The following CHST15 variants were observed in gnomAD, a reference collection of about 807,000 sequenced individuals.
The protein encoded by CHST15 is B cell RAG associated protein (GALNAC4S-6ST).
A neutral mutation model predicts 53.6 loss-of-function variants in CHST15; 30 were observed. The ratio of observed to expected loss-of-function variants is 0.56; its 90% CI spans 0.42 to 0.76. The LOEUF (loss-of-function observed/expected upper bound fraction) is 0.76. Ranked by LOEUF, CHST15 falls within the 30% of genes least tolerant of loss-of-function variation. The pLI is 0.00. For synonymous variants in CHST15, 296 were observed against 289.8 expected (o/e 1.02, Z -0.22); for missense variants, 627 against 740.5 (o/e 0.85, Z 1.78).
In CHST15 at chr10:124,031,693, T is replaced by C. The variant is rs1177319147; in HGVS notation, c.1190+6822A>G. Among the ~76,000 whole-genome samples, 2 of 152,154 alleles carry C rather than the reference T, an allele frequency of 1.3e-5. 1 individual carries two copies. The highest frequency in any genetic ancestry group is 4.1e-4 in the South Asian group (2 of 4,836). On this transcript the variant is annotated intron_variant, in intron 5 of 7. Transcript: ENST00000435907. ...ATTATTAGTAATAACTGATACCTAA[T>C]AATAATAATAGTTACATATTTTCCA... is the stretch of plus-strand genomic sequence containing the variant.
chr10:124,083,946 G>A (rs4929815), intron 1 of CHST15, among the ~76,000 whole-genome samples: 44,902 of 152,120 alleles, frequency 0.3, 6,946 homozygotes, highest in South Asian at 0.37. Context: ...AGTTCAACAC[G>A]CCCAGAGCTC....
chr10:124,093,251 G>GCCGCCA (rs751278088), intron 1 of CHST15, among the ~76,000 whole-genome samples: 29 of 151,776 alleles, frequency 1.9e-4, no homozygotes, highest in East Asian at 1.2e-3. Flanking sequence ...CTGGGCCGCC[G>GCCGCCA]CCGCCACCGC....
intron 1 of CHST15, among the ~76,000 whole-genome samples, chr10:124,064,653 A>G (rs1428954009): frequency 1.2e-5 from 1 of 82,876 alleles, no homozygotes; most frequent in East Asian, 3.6e-4. Flanking sequence ...GCATCCCCCC[A>G]ACCCCACCCC....
Position 124,044,939 on chromosome 10 carries a change from G to GA in CHST15, c.547-21dup. The GA allele has an allele frequency of 7.0e-7, 1 of 1,420,746 alleles. No homozygotes were observed. The highest frequency in any genetic ancestry group is 9.3e-7 in the Non-Finnish European group (1 of 1,080,366). 88.0% of individuals were successfully genotyped at this position (1,420,746 alleles called of 1,614,324 possible). A position where few individuals can be genotyped will look rare whatever the true frequency, so the allele number is the denominator to read the frequency against. On this transcript the variant is annotated intron_variant, in intron 2 of 7. Coordinates refer to ENST00000435907, the MANE Select transcript of CHST15 (RefSeq NM_001270764.2). ...AAACATCTGCAAGGAAACAGAGGAGGAGAGACACAGAGGAGGGGAAAATGA... is the reference window on the plus strand; with the variant it reads ...AAACATCTGCAAGGAAACAGAGGAGGAAGAGACACAGAGGAGGGGAAAATGA...
At chr10:124,052,138 G>A (rs559689569) in intron 1 of CHST15, among the ~76,000 whole-genome samples, 3 of 152,240 alleles carry the variant, frequency 2.0e-5, no homozygotes, top group Admixed American at 1.3e-4. Flanking sequence ...GCCTTCTTCT[G>A]ATTAGTATGT....
Position 124,009,754 on chromosome 10 carries a change from T to C in CHST15, c.*395A>G, listed in dbSNP as rs1054142647. 1.3e-5 allele frequency: 14 copies of C among 1,047,444 alleles called. No individual in the cohort carries two copies. In the East Asian group the frequency reaches 1.1e-3, roughly 83 times the overall value. The allele number at this position is 1,047,444 out of a possible 1,614,324, so 64.9% of individuals were successfully genotyped here. ...GAAGTGTAAGTTCCAGCCAGGCCTG[T>C]GGCATGACCTCTGGCTTGCTGACTC... On this transcript the variant is annotated 3_prime_UTR_variant, in exon 8 of 8. Coordinates refer to ENST00000435907, the MANE Select transcript of CHST15 (RefSeq NM_001270764.2).
At chr10:124,079,113 C>A (rs1466330651) in intron 1 of CHST15, among the ~76,000 whole-genome samples, 1 of 151,074 alleles carries the variant, frequency 6.6e-6, no homozygotes, top group Non-Finnish European at 1.5e-5. Context: ...GATTCTAAAC[C>A]AAACTACTCA....
At chr10:124,031,927 C>T (rs533713662) in intron 5 of CHST15, among the ~76,000 whole-genome samples, 158 of 152,216 alleles carry the variant, frequency 1.0e-3, no homozygotes, top group Middle Eastern at 6.8e-3. Context: ...GGTACACCTC[C>T]CAGACACTCA....
At chr10:124,079,448 C>T (rs749408800) in intron 1 of CHST15, among the ~76,000 whole-genome samples, 2 of 152,210 alleles carry the variant, frequency 1.3e-5, no homozygotes, top group South Asian at 2.1e-4. Flanking sequence ...TTAACAAGGA[C>T]GGACTCCATG....
At chr10:124,026,222 G>A (rs1295886904) in intron 5 of CHST15, among the ~76,000 whole-genome samples, 1 of 152,206 alleles carries the variant, frequency 6.6e-6, no homozygotes, top group Admixed American at 6.5e-5. Flanking sequence ...CTTCCCTTCA[G>A]GGGAGCACTC....
At chr10:124,028,530 A>C (rs1286289530) in intron 5 of CHST15, among the ~76,000 whole-genome samples, 1 of 152,186 alleles carries the variant, frequency 6.6e-6, no homozygotes, top group Non-Finnish European at 1.5e-5. Context: ...AGTATACACC[A>C]CACAGCTGTG....
At chr10:124,071,614 A>G (rs1420939851) in intron 1 of CHST15, among the ~76,000 whole-genome samples, 1 of 152,206 alleles carries the variant, frequency 6.6e-6, no homozygotes, top group African/African-American at 2.4e-5. Flanking sequence ...TTAATTAAAA[A>G]TTTGCATTTT....
At chr10:124,021,472 G>T in intron 5 of CHST15, 60 bp from the exon 6 acceptor site, 1 of 1,556,748 alleles carries the variant, frequency 6.4e-7, no homozygotes, top group East Asian at 2.3e-5. Context: ...CACCATTTGG[G>T]CGACAATGAA....
rs1946366743 is a variant in CHST15, at chr10:124,010,027, T to C, written c.*122A>G. 6.4e-7 allele frequency: 1 copy of C among 1,563,198 alleles called. No individual in the cohort carries two copies. On this transcript the variant is annotated 3_prime_UTR_variant, in exon 8 of 8. Transcript: ENST00000435907. The stretch of plus-strand genomic sequence containing the variant: ...AAAATGGTTATAATTCATGTGTGCC[T>C]AGAGTGGCAGAGTCCTGGGGTTTTC...
Position 124,009,663 on chromosome 10 carries a change from C to T in CHST15, c.*486G>A. 1.0e-6 allele frequency: 1 copy of T among 1,001,944 alleles called. No individual in the cohort carries two copies. The allele number at this position is 1,001,944 out of a possible 1,614,324, so 62.1% of individuals were successfully genotyped here. A position where few individuals can be genotyped will look rare whatever the true frequency, so the allele number is the denominator to read the frequency against. On this transcript the variant is annotated 3_prime_UTR_variant, in exon 8 of 8. Transcript: ENST00000435907. ...GTATGATCACACCTGTGAAGATAGC[C>T]ATTGAATACAGACAGTCTGTGCAAC...
In CHST15 at chr10:124,086,709, C is replaced by T. The variant is rs111878895; in HGVS notation, c.-513+6760G>A. Among the ~76,000 whole-genome samples, 1,132 of 152,140 alleles carry T rather than the reference C, an allele frequency of 7.4e-3. 2 individuals are homozygous for T. The highest frequency in any genetic ancestry group is 0.013 in the Non-Finnish European group (856 of 68,002). ...CCTCTATCTCTCCATAGGTTTAGAC[C>T]TCACCCAGAAAAAAGTGATTCCATG... On this transcript the variant is annotated intron_variant, in intron 1 of 7. Coordinates refer to ENST00000435907, the MANE Select transcript of CHST15 (RefSeq NM_001270764.2).
intron 1 of CHST15, among the ~76,000 whole-genome samples, chr10:124,066,460 G>GAAA (rs58739908): frequency 2.7e-5 from 4 of 145,792 alleles, no homozygotes; most frequent in Non-Finnish European, 6.1e-5. Flanking sequence ...CTGGGGGAAA[G>GAAA]AAAAAAAAAA....
At chr10:124,023,485 CAA>C (rs144190606) in intron 5 of CHST15, among the ~76,000 whole-genome samples, 17 of 135,102 alleles carry the variant, frequency 1.3e-4, no homozygotes, top group Admixed American at 1.5e-4. Flanking sequence ...GAACCTCTCT[CAA>C]AAAAAAAAAA....
chr10:124,043,524 T>C (rs974804076), intron 3 of CHST15, among the ~76,000 whole-genome samples: 1 of 152,230 alleles, frequency 6.6e-6, no homozygotes, highest in Non-Finnish European at 1.5e-5. Flanking sequence ...CTGAGTCCAT[T>C]ACTGGAAAAC....
Sources: allele counts gnomAD v4.1 joint callset (sites outside exome capture counted in the v4.1 genomes callset), GRCh38; gene constraint gnomAD v4.1.1; transcripts MANE v1.5; gene names NCBI Gene and HGNC (gene_info 2026-07-23, HGNC 2026-07-21).